ANO2: variants seen among roughly 807,000 people sequenced by gnomAD.
ANO2 encodes the protein anoctamin 2, also known as anoctamin-2.
In ANO2, 101 loss-of-function variants were observed where a neutral mutation model predicts 124.2. That is an observed-to-expected ratio of 0.81 (90% CI 0.69 to 0.96). The LOEUF (loss-of-function observed/expected upper bound fraction) is 0.96, where lower values mean the gene tolerates loss of function less well. Among genes scored for constraint, ANO2 ranks in the 40% least tolerant of loss-of-function variants. The probability of loss-of-function intolerance (pLI) is 0.00; values close to 1 mark genes in which losing one functional copy is unlikely to be tolerated. For missense variants in ANO2, 1,293 were observed against 1,274.5 expected (o/e 1.01, Z -0.22); for synonymous variants, 486 against 482.5 (o/e 1.01, Z -0.09).
chr12:5,887,828 GT>G (rs368427647), intron 3 of ANO2, among the ~76,000 whole-genome samples: 3,428 of 148,128 alleles, frequency 0.023, 49 homozygotes, highest in Non-Finnish European at 0.034. Context: ...ATGCCCCCCG[GT>G]TTTTTTTTTC....
chr12:5,851,935 T>TG (rs1954924897), intron 4 of ANO2: 1 of 741,558 alleles, frequency 1.3e-6, no homozygotes, highest in African/African-American at 1.7e-5. Flanking sequence ...AATCATAACA[T>TG]GGGCATTAGA....
At position 5,741,284 on chromosome 12, in the gene ANO2, C is replaced by T. The variant is rs557448036; in HGVS notation, c.1352-1885G>A. 2.5e-5 allele frequency among the ~76,000 whole-genome samples: 3 copies of T among 119,394 alleles called. No homozygotes were observed. The Admixed American group carries it at 2.9e-4, about 11-fold the overall frequency. 78.3% of individuals were successfully genotyped at this position (119,394 alleles called of 152,430 possible). ...CAAACACCTATGCACTGGTTGAATA[C>T]ACAGTTACTTAAAGCTGCATTTGTT... On this transcript the variant is annotated intron_variant, in intron 12 of 24. Coordinates refer to ENST00000682330, the MANE Select transcript of ANO2 (RefSeq NM_001364791.2).
chr12:5,575,738 C>A, intron 23 of ANO2, 96 bp downstream of exon 23: 1 of 1,373,430 alleles, frequency 7.3e-7, no homozygotes, highest in South Asian at 1.5e-5. Flanking sequence ...AAAACATCAT[C>A]ATGTTGTGCA....
intron 1 of ANO2, among the ~76,000 whole-genome samples, chr12:5,929,107 TAG>T (rs1942226873): frequency 2.7e-5 from 2 of 73,474 alleles, no homozygotes; most frequent in African/African-American, 5.8e-5. Context: ...CCTTCCTTAC[TAG>T]TCTGTCTTCT....
chr12:5,739,629 A>G (rs936661566), intron 12 of ANO2, among the ~76,000 whole-genome samples: 1 of 149,994 alleles, frequency 6.7e-6, no homozygotes, highest in African/African-American at 2.5e-5. Flanking sequence ...ACACACACAC[A>G]CGCTCCTTTC....
chr12:5,914,752 T>C (rs1043560395), intron 3 of ANO2, among the ~76,000 whole-genome samples: 2 of 152,228 alleles, frequency 1.3e-5, no homozygotes, highest in African/African-American at 4.8e-5. Flanking sequence ...GGGCCATGTC[T>C]GCTAGGATTT....
intron 14 of ANO2, among the ~76,000 whole-genome samples, chr12:5,672,783 G>C (rs1189605630): frequency 1.3e-5 from 2 of 152,222 alleles, no homozygotes; most frequent in Admixed American, 6.5e-5. Context: ...TTTAAGGATA[G>C]TTTGGGAGCA....
chr12:5,567,730 T>A (rs1458204151), intron 23 of ANO2, among the ~76,000 whole-genome samples: 3 of 152,246 alleles, frequency 2.0e-5, no homozygotes, highest in Non-Finnish European at 4.4e-5. Context: ...CACCCCAGCT[T>A]TTGGAAATGT....
intron 10 of ANO2, among the ~76,000 whole-genome samples, chr12:5,755,453 C>T (rs185729083): frequency 1.1e-4 from 17 of 151,596 alleles, no homozygotes; most frequent in Admixed American, 2.6e-4. Context: ...ATGTGCACAA[C>T]GTGCAGGTTT....
chr12:5,687,027 A>ACACC (rs1404953168), intron 14 of ANO2, among the ~76,000 whole-genome samples: 1 of 152,186 alleles, frequency 6.6e-6, no homozygotes, highest in Non-Finnish European at 1.5e-5. Flanking sequence ...AGGGTGACAG[A>ACACC]CACCCCCTGG....
chr12:5,710,451 T>C (rs569658137), intron 14 of ANO2, among the ~76,000 whole-genome samples: 40 of 152,360 alleles, frequency 2.6e-4, no homozygotes, highest in Non-Finnish European at 4.3e-4. Context: ...GATTGTTTCA[T>C]ATAAACAGGC....
chr12:5,850,576 C>T (rs1954856624), intron 4 of ANO2, among the ~76,000 whole-genome samples: 1 of 152,120 alleles, frequency 6.6e-6, no homozygotes, highest in African/African-American at 2.4e-5. Flanking sequence ...ACATGCTTTG[C>T]CTCTCCCTAC....
At chr12:5,940,731 G>A (rs1295358637) in intron 1 of ANO2, among the ~76,000 whole-genome samples, 1 of 152,120 alleles carries the variant, frequency 6.6e-6, no homozygotes, top group Non-Finnish European at 1.5e-5. Flanking sequence ...TTAAACATAT[G>A]ACCCAGCAAT....
intron 14 of ANO2, among the ~76,000 whole-genome samples, chr12:5,713,362 T>C (rs968233793): frequency 9.9e-5 from 15 of 152,226 alleles, no homozygotes; most frequent in African/African-American, 3.4e-4. Context: ...TTCTTTAACA[T>C]TATTTTTACT....
chr12:5,856,908 C>T (rs934040580), intron 3 of ANO2, among the ~76,000 whole-genome samples: 45 of 152,328 alleles, frequency 3.0e-4, no homozygotes, highest in African/African-American at 1.1e-3. Context: ...CATCTCCACT[C>T]TCCTCAAAAG....
chr12:5,705,483 C>T (rs149058199), intron 14 of ANO2, among the ~76,000 whole-genome samples: 52 of 152,324 alleles, frequency 3.4e-4, no homozygotes, highest in Non-Finnish European at 6.0e-4. Context: ...TATCCACACA[C>T]AGGGAAGGCC....
chr12:5,890,346 C>T (rs1426736742), intron 3 of ANO2, among the ~76,000 whole-genome samples: 1 of 152,152 alleles, frequency 6.6e-6, no homozygotes, highest in Non-Finnish European at 1.5e-5. Flanking sequence ...CCTTTGGGAC[C>T]CTGTCAGAAG....
At chr12:5,802,130 T>C (rs2137166774) in intron 9 of ANO2, among the ~76,000 whole-genome samples, 1 of 152,128 alleles carries the variant, frequency 6.6e-6, no homozygotes, top group East Asian at 1.9e-4. Context: ...AAACGAAAAA[T>C]GTCCCAGGAA....
chr12:5,633,653 G>A (rs576987177), intron 16 of ANO2, among the ~76,000 whole-genome samples: 2 of 152,138 alleles, frequency 1.3e-5, no homozygotes, highest in South Asian at 2.1e-4. Flanking sequence ...TGCCCTGGAT[G>A]TGCCCTGGAC....
Sources: gnomAD v4.1 joint callset for allele counts (sites outside exome capture counted in the v4.1 genomes callset) on GRCh38, gnomAD v4.1.1 for gene constraint, MANE v1.5 for transcripts, NCBI Gene and HGNC (gene_info 2026-07-23, HGNC 2026-07-21) for gene names.